The following IL1RAP variants were observed in gnomAD, a reference collection of about 807,000 sequenced individuals.
IL1RAP encodes the protein interleukin 1 receptor accessory protein, also known as interleukin-1 receptor accessory protein.
In IL1RAP, 35 loss-of-function variants were observed where a neutral mutation model predicts 60.7. The observed-to-expected ratio is 0.58, with a 90% CI of 0.44 to 0.76. The LOEUF (loss-of-function observed/expected upper bound fraction) is 0.76, where lower values mean the gene tolerates loss of function less well. Among genes scored for constraint, IL1RAP ranks in the 30% least tolerant of loss-of-function variants. The pLI is 0.00. For missense variants in IL1RAP, 572 were observed against 693.9 expected (o/e 0.82, Z 1.97); for synonymous variants, 268 against 250.9 (o/e 1.07, Z -0.64).
chr3:190,548,540 A>G (rs1724578255), intron 1 of IL1RAP, among the ~76,000 whole-genome samples: 1 of 152,176 alleles, frequency 6.6e-6, no homozygotes, highest in Non-Finnish European at 1.5e-5. Flanking sequence ...CCTTGTATTT[A>G]TATGTACTTA....
At chr3:190,522,306 C>CTTCCTTCT (rs1722103707) in intron 1 of IL1RAP, among the ~76,000 whole-genome samples, 2 of 100,714 alleles carry the variant, frequency 2.0e-5, no homozygotes, top group Admixed American at 1.8e-4. Flanking sequence ...TCCTTCCTTC[C>CTTCCTTCT]TTCCTTCCTT....
At chr3:190,634,716 T>G (rs568287080) in intron 9 of IL1RAP, among the ~76,000 whole-genome samples, 6,170 of 142,490 alleles carry the variant, frequency 0.043, 286 homozygotes, top group Admixed American at 0.073. Context: ...TGTTTTTTTT[T>G]TTGTTGTTGT....
intron 3 of IL1RAP, among the ~76,000 whole-genome samples, chr3:190,596,554 A>G (rs1188599100): frequency 6.6e-6 from 1 of 152,188 alleles, no homozygotes; most frequent in Non-Finnish European, 1.5e-5. Flanking sequence ...TGGCTTTGCA[A>G]AGCTTTGCAC....
At position 190,522,010 on chromosome 3, in the gene IL1RAP, C is replaced by T. The variant is rs544743358; in HGVS notation, c.-89+7791C>T. On this transcript the variant is annotated intron_variant, in intron 1 of 11. Coordinates refer to ENST00000447382, the MANE Select transcript of IL1RAP (RefSeq NM_002182.4). ...TAGTGCCCACAGAAGAGGCTTGACT[C>T]TCATTAAAATGTGAGTTCTTTCTGT... 5.0e-4 allele frequency among the ~76,000 whole-genome samples: 76 copies of T among 152,204 alleles called. 1 individual carries two copies. The South Asian group carries it at 7.9e-3, about 16-fold the overall frequency.
In IL1RAP at chr3:190,648,687, A is replaced by G; in HGVS notation, c.1695A>G (p.Ser565=). Residue 565 remains serine, a synonymous_variant, in exon 12 of 12, where the codon TCA becomes TCG. Transcript: ENST00000447382. ...GTGATGAGCAGGGCCTCTCGTATTC[A>G]TCTTTGAAAAATGTATGAAAGGAAT... The part of the protein sequence containing the change: ...SSSDEQGLSY[S]SLKNV 1.2e-6 allele frequency: 2 copies of G among 1,609,552 alleles called. No homozygotes were observed. The highest frequency in any genetic ancestry group is 1.7e-6 in the Non-Finnish European group (2 of 1,178,546).
At chr3:190,554,380 T>TC (rs1378831773) in intron 1 of IL1RAP, among the ~76,000 whole-genome samples, 2 of 151,984 alleles carry the variant, frequency 1.3e-5, no homozygotes, top group Non-Finnish European at 2.9e-5. Context: ...GGCAGGCTCC[T>TC]CCCCCCTGCA....
chr3:190,547,450 C>A (rs747518822), intron 1 of IL1RAP, among the ~76,000 whole-genome samples: 1 of 152,140 alleles, frequency 6.6e-6, no homozygotes, highest in Non-Finnish European at 1.5e-5. Context: ...CTCACACAGA[C>A]CTCCTCAGTG....
rs1167445179 is a variant in IL1RAP, at chr3:190,634,707, G to GTTTTTTTTTTTTTTTTTT, written c.1051+5220_1051+5221insTTTTTTTTTTTTTTTTTT. Among the ~76,000 whole-genome samples the GTTTTTTTTTTTTTTTTTT allele has an allele frequency of 1.6e-4, 21 of 134,696 alleles. 1 individual carries two copies. The highest frequency in any genetic ancestry group is 5.9e-4 in the African/African-American group (20 of 33,686). The allele number at this position is 134,696 out of a possible 152,430, so 88.4% of individuals were successfully genotyped here. ...TCATATAACTATCTGGGCCTGTTGTGTTTTTTTTTTTGTTGTTGTTTTTTT... is the reference window on the plus strand; with the variant it reads ...TCATATAACTATCTGGGCCTGTTGTGTTTTTTTTTTTTTTTTTTTTTTTTTTTTTGTTGTTGTTTTTTT... On this transcript the variant is annotated intron_variant, in intron 9 of 11. Transcript: ENST00000447382.
chr3:190,521,953 T>C (rs1005022421), intron 1 of IL1RAP, among the ~76,000 whole-genome samples: 6 of 150,614 alleles, frequency 4.0e-5, no homozygotes, highest in Non-Finnish European at 8.9e-5. Flanking sequence ...TAGCGTTGAG[T>C]ACACATTTTC....
At chr3:190,584,335 A>G (rs1354563074) in intron 3 of IL1RAP, among the ~76,000 whole-genome samples, 7 of 152,188 alleles carry the variant, frequency 4.6e-5, no homozygotes, top group African/African-American at 1.7e-4. Flanking sequence ...GTAAACGTCT[A>G]TATACAGGCT....
chr3:190,533,002 G>C (rs879574586), intron 1 of IL1RAP, among the ~76,000 whole-genome samples: 2 of 152,164 alleles, frequency 1.3e-5, no homozygotes, highest in African/African-American at 4.8e-5. Flanking sequence ...GGGTTGGAGA[G>C]GGGAGTAAGG....
At chr3:190,633,431 A>G (rs1732954087) in intron 9 of IL1RAP, among the ~76,000 whole-genome samples, 1 of 152,100 alleles carries the variant, frequency 6.6e-6, no homozygotes, top group Non-Finnish European at 1.5e-5. Context: ...ATCTCGGCTC[A>G]CTGCAATCTC....
chr3:190,654,189 A>ATC (rs756998531), downstream of IL1RAP, among the ~76,000 whole-genome samples: 11 of 43,768 alleles, frequency 2.5e-4, no homozygotes, highest in South Asian at 5.3e-3. Flanking sequence ...GAAACATCAT[A>ATC]TCACACACAC....
chr3:190,650,431 G>A lies in IL1RAP; in HGVS notation c.*1726G>A. Reference sequence around the variant, plus strand: ...CAGACACATTTAGAAACTAAGCTATGTTAACCTCAGTGCTCAACTATTTGA... The same window carrying A: ...CAGACACATTTAGAAACTAAGCTATATTAACCTCAGTGCTCAACTATTTGA... On this transcript the variant is annotated 3_prime_UTR_variant, in exon 12 of 12. Coordinates refer to ENST00000447382, the MANE Select transcript of IL1RAP (RefSeq NM_002182.4). 2.0e-6 allele frequency: 2 copies of A among 984,596 alleles called. No individual in the cohort carries two copies. Among genetic ancestry groups the A allele is most frequent in the South Asian group, 4.7e-5 (1 of 21,262 alleles). The allele number at this position is 984,596 out of a possible 1,614,324, so 61.0% of individuals were successfully genotyped here.
intron 4 of IL1RAP, among the ~76,000 whole-genome samples, chr3:190,608,713 T>C (rs1730567002): frequency 6.6e-6 from 1 of 152,186 alleles, no homozygotes; most frequent in Non-Finnish European, 1.5e-5. Flanking sequence ...TGTCATCGTG[T>C]GACACATGAC....
chr3:190,637,213 A>AT (rs1733295167), intron 9 of IL1RAP, among the ~76,000 whole-genome samples: 1 of 151,986 alleles, frequency 6.6e-6, no homozygotes, highest in Non-Finnish European at 1.5e-5. Context: ...TTATTTGCTT[A>AT]TTTTTTATTT....
chr3:190,591,933 A>G (rs1319607236), intron 3 of IL1RAP, among the ~76,000 whole-genome samples: 1 of 152,206 alleles, frequency 6.6e-6, no homozygotes, highest in Admixed American at 6.5e-5. Context: ...TCCCTTCAGC[A>G]GCATGAGGTT....
At chr3:190,543,487 A>G (rs1724116737) in intron 1 of IL1RAP, among the ~76,000 whole-genome samples, 1 of 152,184 alleles carries the variant, frequency 6.6e-6, no homozygotes, top group Non-Finnish European at 1.5e-5. Context: ...ACAAGATAAA[A>G]AAGCACATTA....
chr3:190,570,589 G>A (rs1053366277), intron 3 of IL1RAP, among the ~76,000 whole-genome samples: 8 of 151,302 alleles, frequency 5.3e-5, no homozygotes, highest in East Asian at 1.9e-4. Flanking sequence ...TTTTTGAGAC[G>A]GAGCTTCGCT....
Sources: allele counts gnomAD v4.1 joint callset (sites outside exome capture counted in the v4.1 genomes callset), GRCh38; gene constraint gnomAD v4.1.1; transcripts MANE v1.5; gene names NCBI Gene and HGNC (gene_info 2026-07-23, HGNC 2026-07-21).